The following SLC25A26 variants were observed in gnomAD, a reference collection of about 807,000 sequenced individuals.
SLC25A26 encodes solute carrier family 25 member 26.
In SLC25A26, 36 loss-of-function variants were observed where a neutral mutation model predicts 37.8. The observed-to-expected ratio is 0.95, with a 90% CI of 0.73 to 1.26. The LOEUF is 1.26. Ranked by LOEUF, SLC25A26 falls within the 50% of genes most tolerant of loss-of-function variation. SLC25A26 has a pLI of 0.00. For missense variants in SLC25A26, 390 were observed against 331.1 expected (o/e 1.18, Z -1.38); for synonymous variants, 129 against 122.5 (o/e 1.05, Z -0.35).
chr3:66,301,637 A>C (rs1051895243), intron 5 of SLC25A26, among the ~76,000 whole-genome samples: 2 of 152,244 alleles, frequency 1.3e-5, no homozygotes, highest in African/African-American at 4.8e-5. Flanking sequence ...TTCCATTTCT[A>C]TACGTGTTTA....
intron 1 of SLC25A26, among the ~76,000 whole-genome samples, chr3:66,210,169 G>A (rs971745947): frequency 4.6e-5 from 7 of 151,004 alleles, no homozygotes; most frequent in African/African-American, 1.7e-4. Context: ...TGATGTATCT[G>A]GGACTGAGTA....
chr3:66,228,200 T>C (rs2071846690), intron 1 of SLC25A26, among the ~76,000 whole-genome samples: 1 of 152,242 alleles, frequency 6.6e-6, no homozygotes, highest in Admixed American at 6.5e-5. Context: ...GCACCAATCA[T>C]GCAAGGACCA....
intron 5 of SLC25A26, among the ~76,000 whole-genome samples, chr3:66,321,263 T>C (rs1331396915): frequency 6.6e-6 from 1 of 152,232 alleles, no homozygotes; most frequent in Non-Finnish European, 1.5e-5. Flanking sequence ...CTTGAAATGA[T>C]TATGATGCAT....
intron 3 of SLC25A26, among the ~76,000 whole-genome samples, chr3:66,261,126 C>G (rs944185902): frequency 2.0e-5 from 3 of 152,192 alleles, no homozygotes; most frequent in Non-Finnish European, 4.4e-5. Flanking sequence ...CTCGGCTTCC[C>G]GAGTGCCATA....
At chr3:66,167,302 T>C (rs981791132) in intron 1 of SLC25A26, among the ~76,000 whole-genome samples, 2 of 152,200 alleles carry the variant, frequency 1.3e-5, no homozygotes, top group African/African-American at 4.8e-5. Context: ...GCAAGGATGA[T>C]GTAAGCTTTA....
intron 5 of SLC25A26, among the ~76,000 whole-genome samples, chr3:66,343,320 T>G (rs1250062794): frequency 6.6e-6 from 1 of 152,258 alleles, no homozygotes; most frequent in Non-Finnish European, 1.5e-5. Context: ...TTTGAAAAAT[T>G]TTCACACAGG....
At chr3:66,267,029 G>T (rs2107321986) in intron 5 of SLC25A26, among the ~76,000 whole-genome samples, 1 of 152,314 alleles carries the variant, frequency 6.6e-6, no homozygotes, top group African/African-American at 2.4e-5. Context: ...TTTCTGGAGT[G>T]CCTACTGGGT....
At chr3:66,189,189 C>T (rs941288028) in intron 1 of SLC25A26, among the ~76,000 whole-genome samples, 117 of 152,136 alleles carry the variant, frequency 7.7e-4, no homozygotes, top group African/African-American at 2.7e-3. Flanking sequence ...TCATACTGAC[C>T]CTTATGTTGA....
intron 5 of SLC25A26, among the ~76,000 whole-genome samples, chr3:66,311,560 G>C (rs1009305811): frequency 3.3e-5 from 5 of 152,102 alleles, no homozygotes; most frequent in African/African-American, 1.2e-4. Flanking sequence ...ATCGTTTGGA[G>C]AAGAGGTATT....
intron 2 of SLC25A26, among the ~76,000 whole-genome samples, chr3:66,237,380 A>C (rs1407182615): frequency 1.3e-5 from 2 of 152,210 alleles, no homozygotes; most frequent in Non-Finnish European, 2.9e-5. Context: ...CTAGAAGTTT[A>C]ATTGGTCTAG....
chr3:66,272,169 A>G (rs778230951), intron 5 of SLC25A26, among the ~76,000 whole-genome samples: 1 of 152,160 alleles, frequency 6.6e-6, no homozygotes, highest in Non-Finnish European at 1.5e-5. Context: ...ATTTCACATA[A>G]TCCTCACAGC....
chr3:66,134,947 C>A (rs566690134), intron 1 of SLC25A26, among the ~76,000 whole-genome samples: 1 of 152,192 alleles, frequency 6.6e-6, no homozygotes, highest in East Asian at 1.9e-4. Flanking sequence ...TCTCCTGCCT[C>A]AGCCTCCCGA....
intron 1 of SLC25A26, among the ~76,000 whole-genome samples, chr3:66,204,793 C>G (rs1457290900): frequency 1.3e-5 from 2 of 152,118 alleles, no homozygotes; most frequent in African/African-American, 4.8e-5. Flanking sequence ...CAATGTCTGC[C>G]GTGTGTACAG....
chr3:66,186,329 C>A (rs1373961901), intron 1 of SLC25A26, among the ~76,000 whole-genome samples: 1 of 151,770 alleles, frequency 6.6e-6, no homozygotes, highest in Non-Finnish European at 1.5e-5. Context: ...GACTCTGAAT[C>A]TGACCCTCAA....
chr3:66,200,762 A>C (rs2071098401), intron 1 of SLC25A26, among the ~76,000 whole-genome samples: 1 of 152,226 alleles, frequency 6.6e-6, no homozygotes, highest in African/African-American at 2.4e-5. Flanking sequence ...TGTATCTTAT[A>C]AAATAGAAAT....
intron 1 of SLC25A26, among the ~76,000 whole-genome samples, chr3:66,163,929 A>T (rs2070392529): frequency 6.6e-6 from 1 of 152,202 alleles, no homozygotes; most frequent in East Asian, 1.9e-4. Flanking sequence ...TGGGAAAGAG[A>T]TGTTAGTAAC....
intron 5 of SLC25A26, chr3:66,293,073 C>G (rs1272447336): frequency 6.6e-6 from 1 of 151,742 alleles, no homozygotes; most frequent in African/African-American, 2.4e-5. Flanking sequence ...TCTGCTTGAT[C>G]TATTTGGCTA....
rs562240562 is a variant in SLC25A26, at chr3:66,369,542, G to A, written c.633G>A (p.Lys211=). The change falls in exon 8 of 10, where the codon AAG becomes AAA. Residue 211 remains lysine (K), a splice_region_variant and synonymous_variant. Coordinates refer to ENST00000354883, the MANE Select transcript of SLC25A26 (RefSeq NM_001379210.1). The part of the protein sequence containing the change: ...DVAKTRITLA[K]AGSSTADGNV... ...CAAAGACAAGAATTACGCTGGCAAA[G>A]GTAAGTGGTGAAATAATGTAATGGA... 56 of 1,592,762 alleles carry A rather than the reference G, an allele frequency of 3.5e-5. 1 individual carries two copies. The South Asian group carries it at 4.1e-4, about 12-fold the overall frequency.
At chr3:66,320,932 A>T (rs1157409008) in intron 5 of SLC25A26, among the ~76,000 whole-genome samples, 2 of 152,204 alleles carry the variant, frequency 1.3e-5, no homozygotes, top group Non-Finnish European at 2.9e-5. Flanking sequence ...TATGGTCTGA[A>T]TATTTGTGTT....
Sources: gnomAD v4.1 joint callset for allele counts (sites outside exome capture counted in the v4.1 genomes callset) on GRCh38, gnomAD v4.1.1 for gene constraint, MANE v1.5 for transcripts, NCBI Gene and HGNC (gene_info 2026-07-23, HGNC 2026-07-21) for gene names.